The following VEPH1 variants were observed in gnomAD, a reference collection of about 807,000 sequenced individuals.
VEPH1 encodes ventricular zone expressed PH domain containing 1.
A neutral mutation model predicts 85.2 loss-of-function variants in VEPH1; 80 were observed. That is an observed-to-expected ratio of 0.94 (90% CI 0.78 to 1.13). VEPH1 has a LOEUF of 1.13. VEPH1 is among the 50% of genes most tolerant of loss of function. VEPH1 has a pLI of 0.00. For synonymous variants in VEPH1, 297 were observed against 348.0 expected, an observed-to-expected ratio of 0.85 and a Z score of 1.63; for missense variants, 955 against 980.5, an observed-to-expected ratio of 0.97 and a Z score of 0.35.
intron 7 of VEPH1, among the ~76,000 whole-genome samples, chr3:157,378,587 C>T (rs572741049): frequency 1.3e-5 from 2 of 152,002 alleles, no homozygotes; most frequent in South Asian, 4.2e-4. Flanking sequence ...TTGTAATAGG[C>T]ATCTGTATAT....
intron 4 of VEPH1, chr3:157,437,566 A>G: frequency 6.2e-7 from 1 of 1,601,794 alleles, no homozygotes; most frequent in Non-Finnish European, 8.5e-7. Context: ...GCTCTTCATC[A>G]TGCTGGAGAA....
intron 2 of VEPH1, among the ~76,000 whole-genome samples, chr3:157,485,719 T>C (rs4680371): frequency 0.17 from 25,976 of 152,068 alleles, 2,836 homozygotes; most frequent in East Asian, 0.36. Context: ...GACAGATATT[T>C]TCTATTTTGA....
At chr3:157,264,144 T>A (rs1201932971) in intron 13 of VEPH1, among the ~76,000 whole-genome samples, 1 of 152,134 alleles carries the variant, frequency 6.6e-6, no homozygotes, top group Non-Finnish European at 1.5e-5. Flanking sequence ...GAAAGATAAA[T>A]TTGCTTTTTC....
intron 11 of VEPH1, among the ~76,000 whole-genome samples, chr3:157,298,780 T>G (rs1177159320): frequency 6.6e-6 from 1 of 151,920 alleles, no homozygotes; most frequent in African/African-American, 2.4e-5. Context: ...TAGGAAATAG[T>G]TTTTTTTACT....
intron 11 of VEPH1, among the ~76,000 whole-genome samples, chr3:157,303,076 A>T (rs73156724): frequency 0.42 from 64,610 of 152,156 alleles, 15,369 homozygotes; most frequent in Admixed American, 0.59. Context: ...GCTCAAAAAA[A>T]TTTTTTGATG....
At chr3:157,292,040 T>C (rs891990937) in intron 11 of VEPH1, among the ~76,000 whole-genome samples, 2 of 152,240 alleles carry the variant, frequency 1.3e-5, no homozygotes, top group Non-Finnish European at 2.9e-5. Context: ...AATTGAACAA[T>C]GATGTTTGTC....
chr3:157,270,491 G>A (rs1257569168), intron 12 of VEPH1, among the ~76,000 whole-genome samples: 2 of 152,028 alleles, frequency 1.3e-5, no homozygotes, highest in Non-Finnish European at 2.9e-5. Context: ...TAATACAAAT[G>A]TTTATATGTT....
intron 2 of VEPH1, among the ~76,000 whole-genome samples, chr3:157,478,525 T>G (rs1577761191): frequency 6.6e-6 from 1 of 152,214 alleles, no homozygotes; most frequent in African/African-American, 2.4e-5. Context: ...TCAATAAAAG[T>G]GGAAGGTGCA....
Position 157,433,106 on chromosome 3 carries a change from AAT to A in VEPH1, c.530-4620_530-4619del, listed in dbSNP as rs1270786371. On this transcript the variant is annotated intron_variant, in intron 4 of 13. Coordinates refer to ENST00000362010, the MANE Select transcript of VEPH1 (RefSeq NM_001167912.2). The stretch of plus-strand genomic sequence containing the variant: ...CAACAAAAGTTGCTCAGTTCTTATT[AAT>A]ATGTCTTTTGAGTCTCTTAGATTTT... Among the ~76,000 whole-genome samples, 4 of 152,132 alleles carry A rather than the reference AAT, an allele frequency of 2.6e-5. No individual in the cohort carries two copies. In the South Asian group the frequency reaches 6.2e-4, roughly 24 times the overall value.
chr3:157,306,939 A>G (rs1056979488), intron 11 of VEPH1, among the ~76,000 whole-genome samples: 7 of 152,012 alleles, frequency 4.6e-5, no homozygotes, highest in African/African-American at 7.2e-5. Flanking sequence ...GTGAGAAAAT[A>G]CAGTATTTGG....
rs995258016 is a variant in VEPH1, at chr3:157,261,191, G to A, written c.2445C>T (p.Asn815=). The stretch of plus-strand genomic sequence containing the variant: ...TTTCTTTGGCTTGGGCAACTGCCAC[G>A]TTGATGCACTGGAGCCATTCTTCTG... ...KNAEEWLQCI[N]VAVAQAKERE... is the part of the protein sequence containing the mutation. The change falls in exon 14 of 14, where the codon AAC becomes AAT. Residue 815 remains asparagine (N), a synonymous_variant. Coordinates refer to ENST00000362010, the MANE Select transcript of VEPH1 (RefSeq NM_001167912.2). 7 of 1,613,650 alleles carry A rather than the reference G, an allele frequency of 4.3e-6. No homozygotes were observed. The highest frequency in any genetic ancestry group is 2.2e-5 in the East Asian group (1 of 44,886).
chr3:157,430,342 G>A (rs926192651), intron 4 of VEPH1, among the ~76,000 whole-genome samples: 5 of 151,980 alleles, frequency 3.3e-5, no homozygotes, highest in Admixed American at 2.6e-4. Flanking sequence ...ACATCCCTTC[G>A]CAACATATTT....
chr3:157,393,587 T>C (rs906608292), intron 6 of VEPH1, among the ~76,000 whole-genome samples: 2 of 152,230 alleles, frequency 1.3e-5, no homozygotes, highest in African/African-American at 2.4e-5. Context: ...ATTTGGCACA[T>C]AGCAAATATT....
At chr3:157,320,928 AC>A (rs575276844) in intron 9 of VEPH1, among the ~76,000 whole-genome samples, 3 of 152,076 alleles carry the variant, frequency 2.0e-5, no homozygotes, top group Non-Finnish European at 4.4e-5. Flanking sequence ...CAAGGCATTC[AC>A]TAGACAGTAT....
At chr3:157,311,433 C>A (rs1410917742) in intron 11 of VEPH1, among the ~76,000 whole-genome samples, 1 of 152,170 alleles carries the variant, frequency 6.6e-6, no homozygotes, top group East Asian at 1.9e-4. Context: ...ACCATTCTTA[C>A]AGCTATTTTG....
intron 9 of VEPH1, among the ~76,000 whole-genome samples, chr3:157,320,741 T>C (rs1721261996): frequency 6.6e-6 from 1 of 152,138 alleles, no homozygotes; most frequent in African/African-American, 2.4e-5. Flanking sequence ...TACAATATAA[T>C]GTGTTATGTG....
intron 4 of VEPH1, among the ~76,000 whole-genome samples, chr3:157,448,874 G>A (rs1734743005): frequency 6.6e-6 from 1 of 152,186 alleles, no homozygotes; most frequent in African/African-American, 2.4e-5. Flanking sequence ...TTGTGGGAGG[G>A]ACCCAGTGGG....
At chr3:157,284,703 C>G (rs1209531674) in intron 12 of VEPH1, among the ~76,000 whole-genome samples, 1 of 149,946 alleles carries the variant, frequency 6.7e-6, no homozygotes, top group East Asian at 1.9e-4. Context: ...TAGGACTTTT[C>G]TTAAACTCAA....
At chr3:157,467,592 C>T (rs1268359769) in intron 3 of VEPH1, among the ~76,000 whole-genome samples, 1 of 152,176 alleles carries the variant, frequency 6.6e-6, no homozygotes, top group Non-Finnish European at 1.5e-5. Context: ...CCTGGTGCTG[C>T]ATTTCTGGGA....
Sources: allele counts gnomAD v4.1 joint callset (sites outside exome capture counted in the v4.1 genomes callset), GRCh38; gene constraint gnomAD v4.1.1; transcripts MANE v1.5; gene names NCBI Gene and HGNC (gene_info 2026-07-23, HGNC 2026-07-21).